AGBL4: variants seen among roughly 807,000 people sequenced by gnomAD.
AGBL4 encodes AGBL carboxypeptidase 4.
In AGBL4, 58 loss-of-function variants were observed where a neutral mutation model predicts 66.4. The observed-to-expected ratio is 0.87, with a 90% CI of 0.71 to 1.09. AGBL4 has a LOEUF of 1.09. Among genes scored for constraint, AGBL4 ranks in the 50% least tolerant of loss-of-function variants. The pLI, the probability that AGBL4 is intolerant of heterozygous loss-of-function variation, is 0.00. For missense variants in AGBL4, 579 were observed against 631.0 expected (o/e 0.92, Z 0.88); for synonymous variants, 234 against 222.9 (o/e 1.05, Z -0.44).
intron 1 of AGBL4, among the ~76,000 whole-genome samples, chr1:49,954,935 A>G (rs985917865): frequency 6.6e-6 from 1 of 152,000 alleles, no homozygotes; most frequent in African/African-American, 2.4e-5. Flanking sequence ...AAATTCTACC[A>G]TATTCAAACT....
chr1:48,832,294 A>G (rs1421246733), intron 6 of AGBL4, among the ~76,000 whole-genome samples: 1 of 152,202 alleles, frequency 6.6e-6, no homozygotes, highest in East Asian at 1.9e-4. Context: ...TCATAGACTC[A>G]TAGTCACACA....
chr1:50,010,748 G>A (rs1572054443), intron 1 of AGBL4, among the ~76,000 whole-genome samples: 1 of 152,282 alleles, frequency 6.6e-6, no homozygotes, highest in Middle Eastern at 3.4e-3. Context: ...ATGGTGCTAG[G>A]AAAACTGAAT....
At chr1:49,440,115 G>T (rs949885234) in intron 3 of AGBL4, among the ~76,000 whole-genome samples, 1 of 149,444 alleles carries the variant, frequency 6.7e-6, no homozygotes, top group African/African-American at 2.5e-5. Context: ...TGTCACCCAG[G>T]CTGGAGTGCA....
chr1:50,015,964 T>C (rs935895199), intron 1 of AGBL4, among the ~76,000 whole-genome samples: 2 of 152,006 alleles, frequency 1.3e-5, no homozygotes, highest in Admixed American at 1.3e-4. Flanking sequence ...TTGAAACATA[T>C]ACAAAAATCA....
chr1:49,193,914 C>T (rs1183007094), intron 4 of AGBL4, among the ~76,000 whole-genome samples: 1 of 152,142 alleles, frequency 6.6e-6, no homozygotes, highest in East Asian at 1.9e-4. Flanking sequence ...TTTACTGATA[C>T]TTGTTTTGTG....
chr1:48,873,025 A>G (rs1412135197), intron 5 of AGBL4, among the ~76,000 whole-genome samples: 1 of 152,154 alleles, frequency 6.6e-6, no homozygotes, highest in Non-Finnish European at 1.5e-5. Context: ...GCCCTTTACT[A>G]TGGCCTCTTA....
At chr1:49,865,366 C>T (rs1227898658) in intron 1 of AGBL4, among the ~76,000 whole-genome samples, 1 of 152,086 alleles carries the variant, frequency 6.6e-6, no homozygotes, top group East Asian at 1.9e-4. Flanking sequence ...AGGTCAGTGC[C>T]CCTCTGAAAT....
chr1:49,031,307 C>CTTTAAA (rs1664209199), intron 5 of AGBL4, among the ~76,000 whole-genome samples: 1 of 151,710 alleles, frequency 6.6e-6, no homozygotes, highest in Admixed American at 6.6e-5. Flanking sequence ...ATGTTCTCAC[C>CTTTAAA]ACCAAGAAGG....
chr1:49,795,217 C>T (rs536953215), intron 2 of AGBL4, among the ~76,000 whole-genome samples: 16 of 151,742 alleles, frequency 1.1e-4, no homozygotes, highest in African/African-American at 3.9e-4. Flanking sequence ...AATAGAAGTA[C>T]CATTCTAAAG....
At chr1:48,779,720 T>C (rs973196618) in intron 6 of AGBL4, among the ~76,000 whole-genome samples, 12 of 140,298 alleles carry the variant, frequency 8.6e-5, no homozygotes, top group Non-Finnish European at 1.6e-4. Context: ...TTTTTTTTTT[T>C]TTTTTTTCTT....
chr1:50,019,039 C>T (rs1037182091), intron 1 of AGBL4, among the ~76,000 whole-genome samples: 4 of 152,052 alleles, frequency 2.6e-5, no homozygotes, highest in African/African-American at 9.7e-5. Context: ...TATTCACTTA[C>T]TGTGAATGTG....
At chr1:48,968,155 C>A (rs938995381) in intron 5 of AGBL4, among the ~76,000 whole-genome samples, 1 of 152,162 alleles carries the variant, frequency 6.6e-6, no homozygotes, top group Non-Finnish European at 1.5e-5. Context: ...ATAGCAGGAA[C>A]TATCCCTAGG....
intron 6 of AGBL4, among the ~76,000 whole-genome samples, chr1:48,753,712 G>A (rs1484412): frequency 0.41 from 63,051 of 152,100 alleles, 14,640 homozygotes; most frequent in Non-Finnish European, 0.53. Flanking sequence ...TCTCTAAAAC[G>A]GAGATAATAA....
chr1:49,464,695 A>G (rs1318932790), intron 3 of AGBL4, among the ~76,000 whole-genome samples: 1 of 151,818 alleles, frequency 6.6e-6, no homozygotes, highest in East Asian at 1.9e-4. Context: ...GAGATAACAC[A>G]GGCACATATC....
intron 4 of AGBL4, among the ~76,000 whole-genome samples, chr1:49,191,355 T>C (rs962315817): frequency 6.6e-6 from 1 of 152,246 alleles, no homozygotes; most frequent in African/African-American, 2.4e-5. Flanking sequence ...GAAAGCTTCA[T>C]TATGACAGCA....
intron 1 of AGBL4, among the ~76,000 whole-genome samples, chr1:49,952,076 G>C (rs1440840733): frequency 1.3e-5 from 2 of 151,768 alleles, no homozygotes; most frequent in East Asian, 3.9e-4. Context: ...TCTGGAAATG[G>C]ATAGTGATAA....
chr1:49,296,196 C>T (rs1644639758), intron 3 of AGBL4, among the ~76,000 whole-genome samples: 1 of 152,150 alleles, frequency 6.6e-6, no homozygotes, highest in Non-Finnish European at 1.5e-5. Context: ...TTATTCCTAA[C>T]AACAATGCTG....
intron 4 of AGBL4, among the ~76,000 whole-genome samples, chr1:49,208,654 C>T (rs1282387958): frequency 6.6e-6 from 1 of 152,042 alleles, no homozygotes; most frequent in Non-Finnish European, 1.5e-5. Context: ...TTTATCTTCT[C>T]ACCTTACCAT....
At chr1:48,705,818 T>C (rs975467725) in intron 6 of AGBL4, among the ~76,000 whole-genome samples, 3 of 151,990 alleles carry the variant, frequency 2.0e-5, no homozygotes, top group African/African-American at 4.8e-5. Context: ...AGATTGATGG[T>C]GTTAAGTTGA....
Sources: gnomAD v4.1 joint callset for allele counts (sites outside exome capture counted in the v4.1 genomes callset) on GRCh38, gnomAD v4.1.1 for gene constraint, MANE v1.5 for transcripts, NCBI Gene and HGNC (gene_info 2026-07-23, HGNC 2026-07-21) for gene names.